Variants in GLYCTK observed in about 807,000 individuals in gnomAD.
GLYCTK encodes HBeAg binding protein 4.
In GLYCTK, 22 loss-of-function variants were observed where a neutral mutation model predicts 24.8. That is an observed-to-expected ratio of 0.89 (90% CI 0.63 to 1.27). The LOEUF (loss-of-function observed/expected upper bound fraction) is 1.27. Ranked by LOEUF, GLYCTK falls within the 50% of genes most tolerant of loss-of-function variation. GLYCTK has a pLI of 0.00. For synonymous variants in GLYCTK, 320 were observed against 297.2 expected (o/e 1.08, Z -0.79); for missense variants, 684 against 686.7 (o/e 1.00, Z 0.04).
At position 52,292,190 on chromosome 3, in the gene GLYCTK, C is replaced by A. The variant is rs201846267; in HGVS notation, c.706-70C>A. On this transcript the variant is annotated intron_variant, in intron 4 of 4. Transcript: ENST00000436784. ...GGAGGGTGTGTGGATACCCTAGGGG[C>A]AGTTTGTCCTTATGGGCTCTGAGGG... The A allele has an allele frequency of 6.5e-5, 103 of 1,588,584 alleles. No homozygotes were observed. In the East Asian group the frequency reaches 2.3e-3, roughly 35 times the overall value.
At chr3:52,292,226 T>C in intron 4 of GLYCTK, 34 bp from the exon 5 acceptor site, 1 of 1,612,820 alleles carries the variant, frequency 6.2e-7, no homozygotes, top group Non-Finnish European at 8.5e-7. Flanking sequence ...GAGGAGGAAG[T>C]GGGCCTGAGC....
chr3:52,291,200 G>A (rs1277830995), intron 3 of GLYCTK, 89 bp downstream of exon 3: 3 of 1,511,034 alleles, frequency 2.0e-6, no homozygotes, highest in African/African-American at 2.7e-5. Context: ...GAGCCCCCGG[G>A]GTCACAGGGT....
chr3:52,292,000 A>G (rs1372252602), intron 4 of GLYCTK, 78 bp downstream of exon 4: 11 of 1,425,200 alleles, frequency 7.7e-6, no homozygotes, highest in Non-Finnish European at 1.1e-5. Context: ...GAAAGCTAGA[A>G]CAGCATATAG....
chr3:52,293,168 G>A lies in GLYCTK; in HGVS notation c.*42G>A. The A allele has an allele frequency of 6.2e-7, 1 of 1,609,384 alleles. No homozygotes were observed. Among genetic ancestry groups the A allele is most frequent in the Non-Finnish European group, 8.5e-7 (1 of 1,178,988 alleles). On this transcript the variant is annotated 3_prime_UTR_variant, in exon 5 of 5. Transcript: ENST00000436784. ...TTGGGAGTTCAGAGGAGGCCTACAAGGGCAAGGTCAGATGGCAGAGCAAGG... is the reference window on the plus strand; with the variant it reads ...TTGGGAGTTCAGAGGAGGCCTACAAAGGCAAGGTCAGATGGCAGAGCAAGG...
intron 1 of GLYCTK, chr3:52,288,542 C>G (rs531077706): frequency 6.6e-6 from 1 of 152,272 alleles, no homozygotes; most frequent in Non-Finnish European, 1.5e-5. Flanking sequence ...AGATAAACGA[C>G]GAATAATTGT....
Position 52,292,249 on chromosome 3 carries a change from C to T in GLYCTK, c.706-11C>T. ...AGTGGGCCTGAGCCTTGTCTGGTGGCCCTTCCCCAGGTGGTGAGCCTCATC... is the reference window on the plus strand; with the variant it reads ...AGTGGGCCTGAGCCTTGTCTGGTGGTCCTTCCCCAGGTGGTGAGCCTCATC... On this transcript the variant is annotated splice_polypyrimidine_tract_variant and intron_variant, in intron 4 of 4. Coordinates refer to ENST00000436784, the MANE Select transcript of GLYCTK (RefSeq NM_145262.4). 2 of 1,613,700 alleles carry T rather than the reference C, an allele frequency of 1.2e-6. No individual in the cohort carries two copies. Among genetic ancestry groups the T allele is most frequent in the Non-Finnish European group, 1.7e-6 (2 of 1,179,902 alleles).
rs771160282 is a variant in GLYCTK at position 52,295,191 on chromosome 3, C to T, written c.*2065C>T. 4.8e-5 allele frequency: 22 copies of T among 453,630 alleles called. No individual in the cohort carries two copies. The highest frequency in any genetic ancestry group is 8.4e-5 in the Non-Finnish European group (19 of 226,608). 28.1% of individuals were successfully genotyped at this position (453,630 alleles called of 1,614,324 possible). A position where few individuals can be genotyped will look rare whatever the true frequency, so the allele number is the denominator to read the frequency against. On this transcript the variant is annotated 3_prime_UTR_variant, in exon 5 of 5. Transcript: ENST00000436784. ...AGTCTAAATGCTGAGATGAGAAAAC[C>T]CTGCACAGTGAATGTTTTGATAGGA...
rs1010909287 is a variant in GLYCTK, at chr3:52,292,451, C to T, written c.897C>T (p.His299=). ...SRADSDPHGP[H]TCGHVLNVII... ...CCGACTCTGACCCCCATGGGCCACA[C>T]ACCTGTGGCCATGTCCTGAATGTGA... is the stretch of plus-strand genomic sequence containing the variant. The change falls in exon 5 of 5, where the codon CAC becomes CAT. Residue 299 remains histidine, a synonymous_variant. Coordinates refer to ENST00000436784, the MANE Select transcript of GLYCTK (RefSeq NM_145262.4). 2 of 1,612,810 alleles carry T rather than the reference C, an allele frequency of 1.2e-6. No homozygotes were observed.
At chr3:52,291,227 G>A (rs1700459415) in intron 3 of GLYCTK, 116 bp downstream of exon 3, 1 of 1,309,854 alleles carries the variant, frequency 7.6e-7, no homozygotes, top group Admixed American at 2.0e-5. Flanking sequence ...AGGAGCAAGG[G>A]AGGTGGTGAG....
In GLYCTK at chr3:52,292,883, T is replaced by C; in HGVS notation, c.1329T>C (p.Asp443=). The C allele has an allele frequency of 6.2e-7, 1 of 1,614,060 alleles. No homozygotes were observed. Among genetic ancestry groups the C allele is most frequent in the Non-Finnish European group, 8.5e-7 (1 of 1,180,006 alleles). ...ELRRWPLGPI[D]VLFLSGGTDG... ...GAAGGTGGCCGCTGGGGCCGATAGATGTGCTGTTTTTGAGCGGTGGCACCG... is the reference window on the plus strand; with the variant it reads ...GAAGGTGGCCGCTGGGGCCGATAGACGTGCTGTTTTTGAGCGGTGGCACCG... The change falls in exon 5 of 5, where the codon GAT becomes GAC. Residue 443 remains aspartate, a synonymous_variant. Transcript: ENST00000436784.
intron 3 of GLYCTK, 24 bp from the exon 4 acceptor site, chr3:52,291,723 C>G (rs1163923231): frequency 4.3e-6 from 7 of 1,612,428 alleles, no homozygotes; most frequent in Non-Finnish European, 5.9e-6. Context: ...GCCCCTCTAC[C>G]TGATACCCTC....
chr3:52,292,903 G>A lies in GLYCTK; in HGVS notation c.1349G>A (p.Gly450Asp), dbSNP rs1700529885. Residue 450 changes from glycine (G) to aspartate (D), a missense_variant, in exon 5 of 5, where the codon GGC becomes GAC. Gly to Asp is a moderately conservative substitution (Grantham distance 94). Coordinates refer to ENST00000436784, the MANE Select transcript of GLYCTK (RefSeq NM_145262.4). ...ATAGATGTGCTGTTTTTGAGCGGTG[G>A]CACCGATGGGCAGGATGGGCCCACA... ...GPIDVLFLSG[G>D]TDGQDGPTEA... is the part of the protein sequence containing the mutation. 6.2e-7 allele frequency: 1 copy of A among 1,613,942 alleles called. No individual in the cohort carries two copies. Among genetic ancestry groups the A allele is most frequent in the Non-Finnish European group, 8.5e-7 (1 of 1,180,036 alleles).
At chr3:52,288,218 T>A (rs955043530) in intron 1 of GLYCTK, among the ~76,000 whole-genome samples, 1 of 151,520 alleles carries the variant, frequency 6.6e-6, no homozygotes, top group African/African-American at 2.4e-5. Context: ...AAGCGTCCAG[T>A]TACATTTTTT....
chr3:52,294,805 G>A lies in GLYCTK; in HGVS notation c.*1679G>A, dbSNP rs1700589084. ...AAGCAGGATAGGAGAGCTGGGGCAG[G>A]GGCTGCAGGAGCTGAGGGCCTGGCA... On this transcript the variant is annotated 3_prime_UTR_variant, in exon 5 of 5. Coordinates refer to ENST00000436784, the MANE Select transcript of GLYCTK (RefSeq NM_145262.4). 1 of 453,858 alleles carries A rather than the reference G, an allele frequency of 2.2e-6. No individual in the cohort carries two copies. Among genetic ancestry groups the A allele is most frequent in the African/African-American group, 2.0e-5 (1 of 49,960 alleles). The allele number at this position is 453,858 out of a possible 1,614,324, so 28.1% of individuals were successfully genotyped here.
Position 52,292,804 on chromosome 3 carries a change from C to G in GLYCTK, c.1250C>G (p.Ser417Trp). 1 of 1,611,412 alleles carries G rather than the reference C, an allele frequency of 6.2e-7. No homozygotes were observed. The highest frequency in any genetic ancestry group is 8.5e-7 in the Non-Finnish European group (1 of 1,179,006). The change falls in exon 5 of 5, where the codon TCG becomes TGG. Residue 417 changes from serine to tryptophan, a missense_variant. Transcript: ENST00000436784. ...GAGCCCACAGTACAGCTGCAGGGCTCGGGCAGGGGTGGCCGGAACCAGGAA... is the reference window on the plus strand; with the variant it reads ...GAGCCCACAGTACAGCTGCAGGGCTGGGGCAGGGGTGGCCGGAACCAGGAA... ...GGEPTVQLQG[S>W]GRGGRNQELA...
Position 52,293,642 on chromosome 3 carries a change from C to T in GLYCTK, c.*516C>T, listed in dbSNP as rs898558157. Reference sequence around the variant, plus strand: ...TCGCATAACGGGAGCCTGTGCCCATCCCTCTGGAGTGTGTGAGGGTTGAGC... The same window carrying T: ...TCGCATAACGGGAGCCTGTGCCCATTCCTCTGGAGTGTGTGAGGGTTGAGC... On this transcript the variant is annotated 3_prime_UTR_variant, in exon 5 of 5. Coordinates refer to ENST00000436784, the MANE Select transcript of GLYCTK (RefSeq NM_145262.4). 2 of 454,330 alleles carry T rather than the reference C, an allele frequency of 4.4e-6. No individual in the cohort carries two copies. Among genetic ancestry groups the T allele is most frequent in the African/African-American group, 4.0e-5 (2 of 50,028 alleles). The allele number at this position is 454,330 out of a possible 1,614,324, so 28.1% of individuals were successfully genotyped here.
At chr3:52,288,945 C>G (rs1700375476) in intron 1 of GLYCTK, 1 of 152,184 alleles carries the variant, frequency 6.6e-6, no homozygotes, top group African/African-American at 2.4e-5. Context: ...ACTAGGCAAG[C>G]AAAATGGTCA....
Position 52,294,984 on chromosome 3 carries a change from T to C in GLYCTK, c.*1858T>C, listed in dbSNP as rs557297168. ...GCATCCCTGCTGAGGGCTTTGGGTA[T>C]GGATAGGATCTTGCAGGAGGTTCCC... On this transcript the variant is annotated 3_prime_UTR_variant, in exon 5 of 5. Coordinates refer to ENST00000436784, the MANE Select transcript of GLYCTK (RefSeq NM_145262.4). 2 of 454,090 alleles carry C rather than the reference T, an allele frequency of 4.4e-6. No individual in the cohort carries two copies. The highest frequency in any genetic ancestry group is 1.6e-5 in the South Asian group (1 of 64,480). 28.1% of individuals were successfully genotyped at this position (454,090 alleles called of 1,614,324 possible).
intron 2 of GLYCTK, 23 bp from the exon 3 acceptor site, chr3:52,290,937 C>G: frequency 6.2e-7 from 1 of 1,613,834 alleles, no homozygotes; most frequent in Non-Finnish European, 8.5e-7. Flanking sequence ...CCATCTCTTG[C>G]GTGCTGACCT....
Sources: allele counts gnomAD v4.1 joint callset (sites outside exome capture counted in the v4.1 genomes callset), GRCh38; gene constraint gnomAD v4.1.1; transcripts MANE v1.5; gene names NCBI Gene and HGNC (gene_info 2026-07-23, HGNC 2026-07-21).